The following MPP7 variants were observed in gnomAD, a reference collection of about 807,000 sequenced individuals.
MPP7 encodes the protein MAGUK p55 subfamily member 7.
Under a neutral mutation model 76.5 loss-of-function variants are expected in MPP7, and 60 were observed. The observed-to-expected ratio is 0.78, with a 90% CI of 0.64 to 0.97. The LOEUF (loss-of-function observed/expected upper bound fraction) is 0.97. Among genes scored for constraint, MPP7 ranks in the 50% least tolerant of loss-of-function variants. The pLI is 0.00. For missense variants in MPP7, 641 were observed against 694.0 expected, an observed-to-expected ratio of 0.92 and a Z score of 0.86; for synonymous variants, 237 against 244.5, an observed-to-expected ratio of 0.97 and a Z score of 0.29.
chr10:28,326,327 G>T (rs1834415090), intron 2 of MPP7, among the ~76,000 whole-genome samples: 1 of 152,174 alleles, frequency 6.6e-6, no homozygotes, highest in African/African-American at 2.4e-5. Context: ...TTGCAGAGAA[G>T]GGCTGCTACA....
intron 3 of MPP7, among the ~76,000 whole-genome samples, chr10:28,171,980 T>C (rs893745621): frequency 1.3e-5 from 2 of 152,174 alleles, no homozygotes; most frequent in South Asian, 2.1e-4. Flanking sequence ...AGTCTTTCCC[T>C]GGATACACTG....
intron 2 of MPP7, among the ~76,000 whole-genome samples, chr10:28,203,496 T>TAAAAAAAA (rs72465209): frequency 7.7e-6 from 1 of 129,870 alleles, no homozygotes; most frequent in Non-Finnish European, 1.7e-5. Flanking sequence ...AAACAGTCTT[T>TAAAAAAAA]AAAAAAAAAA....
intron 2 of MPP7, chr10:28,236,608 G>A (rs376005152): frequency 2.0e-5 from 3 of 152,102 alleles, no homozygotes; most frequent in African/African-American, 7.2e-5. Context: ...ATGTTTTTAT[G>A]TATTACTTGT....
intron 12 of MPP7, among the ~76,000 whole-genome samples, chr10:28,084,365 C>T (rs1322051899): frequency 6.6e-6 from 1 of 152,206 alleles, no homozygotes; most frequent in African/African-American, 2.4e-5. Context: ...CAGCACCAGA[C>T]CTCACAGCAT....
intron 2 of MPP7, among the ~76,000 whole-genome samples, chr10:28,219,491 G>C (rs1838424935): frequency 6.6e-6 from 1 of 152,020 alleles, no homozygotes; most frequent in Non-Finnish European, 1.5e-5. Flanking sequence ...CACCATTCTT[G>C]TCATATCCCT....
intron 3 of MPP7, among the ~76,000 whole-genome samples, chr10:28,201,353 C>G (rs1837765675): frequency 6.6e-6 from 1 of 152,130 alleles, no homozygotes; most frequent in South Asian, 2.1e-4. Context: ...ACAAAGTTAG[C>G]TGAATTTAAA....
chr10:28,080,944 G>T (rs1446698283), intron 12 of MPP7, among the ~76,000 whole-genome samples: 1 of 152,136 alleles, frequency 6.6e-6, no homozygotes, highest in Non-Finnish European at 1.5e-5. Flanking sequence ...TTAGTTTTGA[G>T]CACTTACTTT....
intron 5 of MPP7, among the ~76,000 whole-genome samples, chr10:28,140,511 A>C (rs74905626): frequency 6.6e-6 from 1 of 150,718 alleles, no homozygotes; most frequent in Non-Finnish European, 1.5e-5. Context: ...ACTTAGTTTC[A>C]AAAAAAAAGA....
At chr10:28,133,518 T>C (rs1269163581) in intron 5 of MPP7, among the ~76,000 whole-genome samples, 2 of 152,224 alleles carry the variant, frequency 1.3e-5, no homozygotes, top group Non-Finnish European at 2.9e-5. Context: ...ATGTGCATTT[T>C]TATGTTTATA....
chr10:28,058,961 T>C (rs1249807315), intron 14 of MPP7, among the ~76,000 whole-genome samples: 1 of 152,100 alleles, frequency 6.6e-6, no homozygotes, highest in East Asian at 1.9e-4. Context: ...CGCTACGGAG[T>C]AACCCAGCCC....
chr10:28,176,348 AACAAAACAAAAC>A (rs1836859398), intron 3 of MPP7, among the ~76,000 whole-genome samples: 1 of 148,748 alleles, frequency 6.7e-6, no homozygotes, highest in African/African-American at 2.6e-5. Context: ...TCAAAAACAA[AACAAAACAAAAC>A]AAAACAAAAC....
chr10:28,124,201 G>T (rs1354886059), intron 7 of MPP7, 85 bp from the exon 8 acceptor site: 82 of 902,100 alleles, frequency 9.1e-5, no homozygotes, highest in Non-Finnish European at 4.6e-5. Flanking sequence ...GTAAAGCATT[G>T]TTAGGTTCCC....
chr10:28,125,138 A>T, intron 6 of MPP7, 47 bp from the exon 7 acceptor site: 1 of 1,481,918 alleles, frequency 6.7e-7, no homozygotes, highest in Non-Finnish European at 9.4e-7. Context: ...TGTGTGTACT[A>T]GGTGTTAGAA....
chr10:28,220,385 G>A (rs542674793), intron 2 of MPP7, among the ~76,000 whole-genome samples: 6 of 151,936 alleles, frequency 3.9e-5, no homozygotes, highest in Non-Finnish European at 7.4e-5. Flanking sequence ...TCCAAAAATC[G>A]ATTACATTTA....
chr10:28,124,531 A>AGT (rs1834949963), intron 7 of MPP7, among the ~76,000 whole-genome samples: 1 of 117,600 alleles, frequency 8.5e-6, no homozygotes, highest in African/African-American at 3.3e-5. Context: ...GCTGGAGTGC[A>AGT]GTGGCACAAT....
At chr10:28,165,214 T>C (rs1376168646) in intron 3 of MPP7, among the ~76,000 whole-genome samples, 1 of 152,152 alleles carries the variant, frequency 6.6e-6, no homozygotes, top group Non-Finnish European at 1.5e-5. Flanking sequence ...TAAAGGGACT[T>C]TGCAGATGAC....
chr10:28,213,145 C>T (rs1838197985), intron 2 of MPP7, among the ~76,000 whole-genome samples: 1 of 151,906 alleles, frequency 6.6e-6, no homozygotes, highest in Admixed American at 6.6e-5. Context: ...CTCGATGTTG[C>T]CCCAGGCTGG....
At chr10:28,209,550 T>C (rs894469222) in intron 2 of MPP7, among the ~76,000 whole-genome samples, 1 of 152,182 alleles carries the variant, frequency 6.6e-6, no homozygotes. Context: ...CGATGTTCTT[T>C]CTGTTGTTTG....
At position 28,262,218 on chromosome 10, in the gene MPP7, TATATATACATATATATATATATATAC is replaced by T. The variant is rs1564741344; in HGVS notation, c.-131-23509_-131-23484del. On this transcript the variant is annotated intron_variant, in intron 1 of 16. Coordinates refer to ENST00000683449, the MANE Select transcript of MPP7 (RefSeq NM_001318170.2). ...ATATATATATATATACATATATATA[TATATATACATATATATATATATATAC>T]ATATATATATATATGTATATATATA... is the stretch of plus-strand genomic sequence containing the variant. 1.4e-4 allele frequency among the ~76,000 whole-genome samples: 8 copies of T among 56,346 alleles called. 1 individual carries two copies. Among genetic ancestry groups the T allele is most frequent in the African/African-American group, 6.5e-4 (7 of 10,802 alleles). 37.0% of individuals were successfully genotyped at this position (56,346 alleles called of 152,430 possible). A position where few individuals can be genotyped will look rare whatever the true frequency, so the allele number is the denominator to read the frequency against.
Sources: allele counts gnomAD v4.1 joint callset (sites outside exome capture counted in the v4.1 genomes callset), GRCh38; gene constraint gnomAD v4.1.1; transcripts MANE v1.5; gene names NCBI Gene and HGNC (gene_info 2026-07-23, HGNC 2026-07-21).